VRK2: variants seen among roughly 807,000 people sequenced by gnomAD.
VRK2 encodes the protein VRK serine/threonine kinase 2.
A neutral mutation model predicts 57.6 loss-of-function variants in VRK2; 60 were observed. The ratio of observed to expected loss-of-function variants is 1.04; its 90% CI spans 0.85 to 1.29. The LOEUF (loss-of-function observed/expected upper bound fraction) is 1.29. Ranked by LOEUF, VRK2 falls within the 50% of genes most tolerant of loss-of-function variation. VRK2 has a pLI of 0.00. For synonymous variants in VRK2, 231 were observed against 199.2 expected, an observed-to-expected ratio of 1.16 and a Z score of -1.35; for missense variants, 705 against 588.1, an observed-to-expected ratio of 1.20 and a Z score of -2.06.
intron 2 of VRK2, among the ~76,000 whole-genome samples, chr2:58,051,626 G>A (rs894886049): frequency 6.6e-6 from 1 of 152,142 alleles, no homozygotes; most frequent in African/African-American, 2.4e-5. Context: ...CCCTCTTTCA[G>A]CAGACACTTG....
At chr2:58,147,345 G>A (rs1299239538) in intron 12 of VRK2, among the ~76,000 whole-genome samples, 1 of 151,784 alleles carries the variant, frequency 6.6e-6, no homozygotes, top group East Asian at 1.9e-4. Context: ...ACATTCTTTC[G>A]AGTATAAAAT....
chr2:57,936,141 C>T (rs1391547461), intron 1 of VRK2, among the ~76,000 whole-genome samples: 1 of 152,164 alleles, frequency 6.6e-6, no homozygotes, highest in Non-Finnish European at 1.5e-5. Context: ...AAGACCTTCT[C>T]AATGTAAAAT....
chr2:58,036,503 C>T (rs1674278296), intron 3 of VRK2, among the ~76,000 whole-genome samples: 1 of 151,972 alleles, frequency 6.6e-6, no homozygotes, highest in Non-Finnish European at 1.5e-5. Flanking sequence ...CATTAATCTA[C>T]TCTAACTCTT....
chr2:57,975,172 GA>G (rs1218832793), intron 1 of VRK2, among the ~76,000 whole-genome samples: 27 of 151,390 alleles, frequency 1.8e-4, no homozygotes, highest in South Asian at 2.1e-4. Context: ...TAATCACAAT[GA>G]AAAAAAATAT....
chr2:58,075,596 G>T (rs1558600902), intron 2 of VRK2, among the ~76,000 whole-genome samples: 2 of 152,072 alleles, frequency 1.3e-5, no homozygotes, highest in African/African-American at 4.8e-5. Flanking sequence ...GTACAAGATG[G>T]TATCTTGTGT....
chr2:58,138,130 T>G (rs1465317123), intron 10 of VRK2, among the ~76,000 whole-genome samples: 2 of 152,174 alleles, frequency 1.3e-5, no homozygotes, highest in African/African-American at 4.8e-5. Flanking sequence ...ATTTTGGATA[T>G]TCTGGTTAAT....
chr2:57,992,130 C>T (rs866198083), intron 1 of VRK2, among the ~76,000 whole-genome samples: 2 of 151,920 alleles, frequency 1.3e-5, no homozygotes, highest in Non-Finnish European at 2.9e-5. Flanking sequence ...TGTCAAAAAA[C>T]GAAGGTATCA....
At chr2:57,942,694 C>A (rs1671138157) in intron 1 of VRK2, among the ~76,000 whole-genome samples, 1 of 152,136 alleles carries the variant, frequency 6.6e-6, no homozygotes, top group Admixed American at 6.5e-5. Context: ...CAAAATATTT[C>A]CTTTTGGTTT....
chr2:57,957,769 G>C (rs929166315), intron 1 of VRK2, among the ~76,000 whole-genome samples: 1 of 151,648 alleles, frequency 6.6e-6, no homozygotes, highest in Non-Finnish European at 1.5e-5. Context: ...TCCAAATTGT[G>C]TATGCCAAGA....
chr2:57,960,998 G>A (rs13413648), intron 1 of VRK2, among the ~76,000 whole-genome samples: 2 of 152,184 alleles, frequency 1.3e-5, no homozygotes, highest in African/African-American at 4.8e-5. Context: ...CTGTGTGCCA[G>A]GCAATGTTTT....
At chr2:57,929,043 A>G (rs772975335) in intron 1 of VRK2, among the ~76,000 whole-genome samples, 5 of 152,132 alleles carry the variant, frequency 3.3e-5, no homozygotes, top group African/African-American at 7.2e-5. Context: ...AAGGCCCACA[A>G]TAACCACTGC....
intron 1 of VRK2, among the ~76,000 whole-genome samples, chr2:57,937,827 CTTTTT>C (rs778615422): frequency 1.1e-5 from 1 of 89,948 alleles, no homozygotes. Context: ...GTTTATCTTT[CTTTTT>C]TTTTTTTTTT....
At chr2:57,951,785 C>T (rs1175836065) in intron 1 of VRK2, among the ~76,000 whole-genome samples, 7 of 151,996 alleles carry the variant, frequency 4.6e-5, no homozygotes, top group African/African-American at 1.7e-4. Flanking sequence ...TCTCTGTTGC[C>T]CAGGATGGAG....
At chr2:58,011,515 T>A (rs1014093813) in intron 1 of VRK2, among the ~76,000 whole-genome samples, 39 of 152,232 alleles carry the variant, frequency 2.6e-4, no homozygotes, top group Non-Finnish European at 1.2e-4. Context: ...ATTCCTCTAA[T>A]GAATCACATT....
intron 1 of VRK2, among the ~76,000 whole-genome samples, chr2:57,983,518 A>G (rs375069739): frequency 3.3e-5 from 5 of 152,298 alleles, no homozygotes; most frequent in South Asian, 4.1e-4. Flanking sequence ...AACCCTGCCA[A>G]ACTGCCATAT....
At position 58,107,851 on chromosome 2, in the gene VRK2, A is replaced by G. The variant is rs186271520; in HGVS notation, c.544-15250A>G. Among the ~76,000 whole-genome samples the G allele has an allele frequency of 7.7e-4, 117 of 152,174 alleles. 3 individuals carry two copies. In the East Asian group the frequency reaches 0.022, roughly 29 times the overall value. ...GTTTTTCTCCCTGTCTTCAGCTTACATTCTCCTACTTCTTATATCAACGTC... is the reference window on the plus strand; with the variant it reads ...GTTTTTCTCCCTGTCTTCAGCTTACGTTCTCCTACTTCTTATATCAACGTC... On this transcript the variant is annotated intron_variant, in intron 7 of 12. Coordinates refer to ENST00000340157, the MANE Select transcript of VRK2 (RefSeq NM_006296.7).
chr2:57,930,760 C>G (rs950116343), intron 1 of VRK2, among the ~76,000 whole-genome samples: 25 of 152,116 alleles, frequency 1.6e-4, no homozygotes, highest in African/African-American at 5.3e-4. Flanking sequence ...AGCCCACACC[C>G]AAACACTAGC....
chr2:57,922,829 C>G (rs1478625128), intron 1 of VRK2, among the ~76,000 whole-genome samples: 1 of 151,746 alleles, frequency 6.6e-6, no homozygotes. Flanking sequence ...TATCATAATA[C>G]TAAATTTTAT....
intron 7 of VRK2, among the ~76,000 whole-genome samples, chr2:58,107,461 G>C (rs1674923660): frequency 1.3e-5 from 2 of 151,992 alleles, no homozygotes; most frequent in African/African-American, 4.8e-5. Context: ...TGTCTAGCTT[G>C]CCATTTTTAA....
Sources: allele counts gnomAD v4.1 joint callset (sites outside exome capture counted in the v4.1 genomes callset), GRCh38; gene constraint gnomAD v4.1.1; transcripts MANE v1.5; gene names NCBI Gene and HGNC (gene_info 2026-07-23, HGNC 2026-07-21).